Variants in FAT2 observed in about 807,000 individuals in gnomAD.
FAT2 encodes protocadherin Fat 2.
FAT2 carries 150 observed loss-of-function variants against 295.3 expected under a neutral mutation model. The observed-to-expected ratio is 0.51, with a 90% CI of 0.44 to 0.58. FAT2 has a LOEUF of 0.58. FAT2 is among the 20% of genes least tolerant of loss of function. FAT2 has a pLI of 0.00. For missense variants in FAT2, 4,868 were observed against 5,442.7 expected (o/e 0.89, Z 3.32); for synonymous variants, 2,026 against 2,150.3 (o/e 0.94, Z 1.60).
At chr5:151,533,744 CAT>C (rs559542473) in intron 13 of FAT2, among the ~76,000 whole-genome samples, 14 of 151,384 alleles carry the variant, frequency 9.2e-5, no homozygotes, top group South Asian at 4.2e-4. Flanking sequence ...TACACACATA[CAT>C]ATATATATGT....
intron 21 of FAT2, 33 bp from the exon 22 acceptor site, chr5:151,510,207 A>T: frequency 6.2e-7 from 1 of 1,612,056 alleles, no homozygotes. Context: ...GAGAGACCGC[A>T]CTGGCCTAGC....
chr5:151,509,610 T>C (rs1761161482), intron 22 of FAT2: 3 of 186,096 alleles, frequency 1.6e-5, no homozygotes, highest in African/African-American at 4.7e-5. Flanking sequence ...ATATATCTAA[T>C]GCCCGATCTG....
rs753654913 is a variant in FAT2, at chr5:151,545,372, G to C, written c.5755C>G (p.His1919Asp). ...ACAGATATGCTACCAGTGACAGGATGGATGGTAACAGCTTCATCAGCATTG... is the reference window on the plus strand; with the variant it reads ...ACAGATATGCTACCAGTGACAGGATCGATGGTAACAGCTTCATCAGCATTG... The part of the protein sequence containing the change: ...TGNADEAVTI[H>D]PVTGSISVLN... Residue 1919 changes from histidine (H) to aspartate (D), a missense_variant, in exon 10 of 24, where the codon CAT (histidine) becomes GAT (aspartate). By Grantham distance (81) the His-to-Asp change is moderately conservative (BLOSUM62 -1). Transcript: ENST00000261800. 1 of 1,614,130 alleles carries C rather than the reference G, an allele frequency of 6.2e-7. No homozygotes were observed. Among genetic ancestry groups the C allele is most frequent in the East Asian group, 2.2e-5 (1 of 44,884 alleles).
intron 22 of FAT2, among the ~76,000 whole-genome samples, chr5:151,508,286 GT>G (rs952672222): frequency 7.2e-5 from 11 of 152,180 alleles, no homozygotes; most frequent in Non-Finnish European, 1.3e-4. Context: ...GTTAAATGTT[GT>G]TTTCCCCAAG....
Position 151,577,515 on chromosome 5 carries a change from G to A in FAT2, c.-20-8564C>T, listed in dbSNP as rs554702604. 3.3e-5 allele frequency among the ~76,000 whole-genome samples: 5 copies of A among 152,288 alleles called. No homozygotes were observed. In the East Asian group the frequency reaches 5.8e-4, roughly 18 times the overall value. ...TTGACTGTGTCAGGTGATGAAAAGCGATATAAAGAAACGTTATGTGGGGCA... is the reference window on the plus strand; with the variant it reads ...TTGACTGTGTCAGGTGATGAAAAGCAATATAAAGAAACGTTATGTGGGGCA... On this transcript the variant is annotated intron_variant, in intron 1 of 23. Coordinates refer to ENST00000261800, the MANE Select transcript of FAT2 (RefSeq NM_001447.3).
In FAT2 at chr5:151,543,902, T is replaced by C. The variant is rs1431082496; in HGVS notation, c.7225A>G (p.Arg2409Gly). The change falls in exon 10 of 24, where the codon AGA (arginine) becomes GGA (glycine). Residue 2409 changes from arginine to glycine, a missense_variant. Coordinates refer to ENST00000261800, the MANE Select transcript of FAT2 (RefSeq NM_001447.3). The part of the protein sequence containing the change: ...LKVQAIDPDS[R>G]DTSRLEYLIL... ...AGGTACTCCAGGCGGGAGGTGTCTC[T>C]GCTGTCAGGGTCAATAGCCTGGACT... 1 of 1,614,222 alleles carries C rather than the reference T, an allele frequency of 6.2e-7. No homozygotes were observed. Among genetic ancestry groups the C allele is most frequent in the Non-Finnish European group, 8.5e-7 (1 of 1,180,044 alleles).
chr5:151,549,287 C>A lies in FAT2; in HGVS notation c.4789+8G>T, dbSNP rs749954706. 1.1e-5 allele frequency: 18 copies of A among 1,611,842 alleles called. No individual in the cohort carries two copies. Among genetic ancestry groups the A allele is most frequent in the Non-Finnish European group, 1.5e-5 (18 of 1,179,634 alleles). ...CCCATCCTCTGAGCTCATGGCCAGG[C>A]CTCTCACCTTTCAGGAGGGAGTAGT... is the stretch of plus-strand genomic sequence containing the variant. On this transcript the variant is annotated splice_region_variant and intron_variant, in intron 9 of 23. Coordinates refer to ENST00000261800, the MANE Select transcript of FAT2 (RefSeq NM_001447.3).
Position 151,544,665 on chromosome 5 carries a change from C to T in FAT2, c.6462G>A (p.Gln2154=). 2 of 1,614,132 alleles carry T rather than the reference C, an allele frequency of 1.2e-6. No individual in the cohort carries two copies. Among genetic ancestry groups the T allele is most frequent in the Admixed American group, 3.3e-5 (2 of 60,020 alleles). ...IARDGGTPSL[Q]SEEEVLVTVR... is the part of the protein sequence containing the mutation. ...CAGTGACAAGTACCTCTTCCTCACT[C>T]TGGAGGGATGGCGTTCCTCCATCCC... The change falls in exon 10 of 24, where the codon CAG becomes CAA. Residue 2154 remains glutamine, a synonymous_variant. Coordinates refer to ENST00000261800, the MANE Select transcript of FAT2 (RefSeq NM_001447.3).
chr5:151,537,923 A>C lies in FAT2; in HGVS notation c.9063T>G (p.His3021Gln). ...TGAAGTGTCCTGGAAATACATCTTC[A>C]TGAACCTTGCCAGTATAGAGAAGCT... ...CSQLLYTGKV[H>Q]EDVFPGHFIL... is the part of the protein sequence containing the mutation. Residue 3021 changes from histidine (H) to glutamine (Q), a missense_variant, in exon 12 of 24, where the codon CAT (histidine) becomes CAG (glutamine). Transcript: ENST00000261800. The C allele has an allele frequency of 6.2e-7, 1 of 1,614,208 alleles. No homozygotes were observed. Among genetic ancestry groups the C allele is most frequent in the African/African-American group, 1.3e-5 (1 of 75,068 alleles).
At position 151,534,548 on chromosome 5, in the gene FAT2, C is replaced by T. The variant is rs1426950441; in HGVS notation, c.9288G>A (p.Gln3096=). Residue 3096 remains glutamine (Q), a synonymous_variant, in exon 13 of 24, where the codon CAG becomes CAA. Coordinates refer to ENST00000261800, the MANE Select transcript of FAT2 (RefSeq NM_001447.3). ...KATDGGGRSC[Q]ADITLHVEDV... Reference sequence around the variant, plus strand: ...CCTCCACATGGAGGGTGATGTCTGCCTGGCACGATCGGCCACCTCCATCCG... The same window carrying T: ...CCTCCACATGGAGGGTGATGTCTGCTTGGCACGATCGGCCACCTCCATCCG... The T allele has an allele frequency of 4.3e-6, 7 of 1,614,168 alleles. No individual in the cohort carries two copies. Among genetic ancestry groups the T allele is most frequent in the Non-Finnish European group, 5.9e-6 (7 of 1,180,032 alleles).
rs1325574007 is a variant in FAT2 at position 151,529,295 on chromosome 5, G to A, written c.9909C>T (p.Asp3303=). ...TGATGTTGACCATGACTGTGGTCACGTCACTGAGGGAAGAGGAGCTCTTCC... is the reference window on the plus strand; with the variant it reads ...TGATGTTGACCATGACTGTGGTCACATCACTGAGGGAAGAGGAGCTCTTCC... ...CSRKSSSSLS[D]VTTVMVNITD... Residue 3303 remains aspartate (D), a synonymous_variant, in exon 15 of 24, where the codon GAC becomes GAT. Coordinates refer to ENST00000261800, the MANE Select transcript of FAT2 (RefSeq NM_001447.3). 1.7e-5 allele frequency: 28 copies of A among 1,613,858 alleles called. No individual in the cohort carries two copies. The highest frequency in any genetic ancestry group is 8.0e-5 in the African/African-American group (6 of 74,902).
chr5:151,589,236 C>G lies in FAT2; in HGVS notation c.-21+1929G>C, dbSNP rs146727027. 2.5e-3 allele frequency among the ~76,000 whole-genome samples: 376 copies of G among 152,302 alleles called. 2 individuals carry two copies. Among genetic ancestry groups the G allele is most frequent in the African/African-American group, 8.9e-3 (371 of 41,552 alleles). ...CAACCGTACCAACTCCATCTCCCCC[C>G]AGACACACACAGGCTGTCTCTAAAA... On this transcript the variant is annotated intron_variant, in intron 1 of 23. Transcript: ENST00000261800.
chr5:151,518,177 TAAA>T (rs1190188187), intron 19 of FAT2, among the ~76,000 whole-genome samples: 1 of 151,524 alleles, frequency 6.6e-6, no homozygotes, highest in African/African-American at 2.4e-5. Context: ...AAACATAAAA[TAAA>T]AATAAAAATA....
rs988908900 is a variant in FAT2 at position 151,556,197 on chromosome 5, C to T, written c.3633+147G>A. ...CAGTGCTGAGGAGCTAGCAAAGATC[C>T]AAGGATCATCCAGCAAGGTTCAGCT... On this transcript the variant is annotated intron_variant, in intron 4 of 23. Coordinates refer to ENST00000261800, the MANE Select transcript of FAT2 (RefSeq NM_001447.3). The T allele has an allele frequency of 4.3e-6, 3 of 690,004 alleles. No individual in the cohort carries two copies. The Admixed American group carries it at 6.3e-5, about 15-fold the overall frequency. 42.7% of individuals were successfully genotyped at this position (690,004 alleles called of 1,614,324 possible).
At chr5:151,541,813 A>G (rs1315246847) in intron 10 of FAT2, among the ~76,000 whole-genome samples, 2 of 152,100 alleles carry the variant, frequency 1.3e-5, no homozygotes, top group Admixed American at 1.3e-4. Flanking sequence ...TGAAGGAATT[A>G]TATCTAAGGA....
intron 3 of FAT2, among the ~76,000 whole-genome samples, chr5:151,561,238 C>G (rs117933003): frequency 5.3e-5 from 8 of 152,188 alleles, no homozygotes; most frequent in East Asian, 1.9e-4. Context: ...ATGGCACATG[C>G]AAAGTCCTGC....
Position 151,527,345 on chromosome 5 carries a change from T to A in FAT2, c.10197A>T (p.Thr3399=). The A allele has an allele frequency of 6.2e-7, 1 of 1,612,342 alleles. No individual in the cohort carries two copies. Among genetic ancestry groups the A allele is most frequent in the South Asian group, 1.1e-5 (1 of 90,916 alleles). The change falls in exon 17 of 24, where the codon ACA becomes ACT. Residue 3399 remains threonine, a synonymous_variant. Transcript: ENST00000261800. ...ASSYSLKLRA[T]DSGQPPLHED... is the part of the protein sequence containing the mutation. ...CATGCAGTGGAGGCTGCCCACTGTC[T>A]GTGGCTCGGAGCTTCAGGGAATAAC...
At position 151,590,663 on chromosome 5, in the gene FAT2, C is replaced by T. The variant is rs148110908; in HGVS notation, c.-21+502G>A. Among the ~76,000 whole-genome samples, 365 of 152,324 alleles carry T rather than the reference C, an allele frequency of 2.4e-3. 5 individuals carry two copies. The highest frequency in any genetic ancestry group is 8.4e-3 in the African/African-American group (351 of 41,568). ...AACCAGGGCTGACCAGACTATCTGA[C>T]TCTCCCTTAGCCGCCAGGTAGCTTT... On this transcript the variant is annotated intron_variant, in intron 1 of 23. Transcript: ENST00000261800.
chr5:151,513,293 CA>C (rs1752504263), intron 20 of FAT2, among the ~76,000 whole-genome samples: 1 of 152,178 alleles, frequency 6.6e-6, no homozygotes, highest in South Asian at 2.1e-4. Context: ...GACATACACT[CA>C]TATGTTGATT....
Sources: gnomAD v4.1 joint callset for allele counts (sites outside exome capture counted in the v4.1 genomes callset) on GRCh38, gnomAD v4.1.1 for gene constraint, MANE v1.5 for transcripts, NCBI Gene and HGNC (gene_info 2026-07-23, HGNC 2026-07-21) for gene names.